CPNE9: variants seen among roughly 807,000 people sequenced by gnomAD.
The protein encoded by CPNE9 is copine-9.
A neutral mutation model predicts 83.0 loss-of-function variants in CPNE9; 59 were observed. That is an observed-to-expected ratio of 0.71 (90% CI 0.58 to 0.88). The LOEUF is 0.88. Among genes scored for constraint, CPNE9 ranks in the 40% least tolerant of loss-of-function variants. The pLI is 0.00. For synonymous variants in CPNE9, 256 were observed against 273.4 expected (o/e 0.94, Z 0.63); for missense variants, 619 against 720.8 (o/e 0.86, Z 1.62).
rs753325896 is a variant in CPNE9, at chr3:9,715,279, C to T, written c.693-10C>T. On this transcript the variant is annotated splice_polypyrimidine_tract_variant and intron_variant, in intron 11 of 20. Coordinates refer to ENST00000383832, the MANE Select transcript of CPNE9 (RefSeq NM_153635.3). Reference sequence around the variant, plus strand: ...GCACCTGCTGCTTAGCCACGCCCACCTCATTGCAGCCACGATTTCATTGGT... The same window carrying T: ...GCACCTGCTGCTTAGCCACGCCCACTTCATTGCAGCCACGATTTCATTGGT... The T allele has an allele frequency of 4.3e-6, 7 of 1,613,972 alleles. No homozygotes were observed. The highest frequency in any genetic ancestry group is 4.5e-5 in the East Asian group (2 of 44,902).
Position 9,706,773 on chromosome 3 carries a change from T to C in CPNE9, c.377+710T>C, listed in dbSNP as rs914838051. On this transcript the variant is annotated intron_variant, in intron 7 of 20. Coordinates refer to ENST00000383832, the MANE Select transcript of CPNE9 (RefSeq NM_153635.3). ...AGCAGGCCTCACGGACAGGTAACTTTGGAGCAACAACCTGAGGGAGGTAAG... is the reference window on the plus strand; with the variant it reads ...AGCAGGCCTCACGGACAGGTAACTTCGGAGCAACAACCTGAGGGAGGTAAG... Among the ~76,000 whole-genome samples the C allele has an allele frequency of 3.3e-5, 5 of 152,266 alleles. No individual in the cohort carries two copies. In the South Asian group the frequency reaches 6.2e-4, roughly 19 times the overall value.
At position 9,718,507 on chromosome 3, in the gene CPNE9, C is replaced by T. The variant is rs766942159; in HGVS notation, c.1146C>T (p.Gly382=). Residue 382 remains glycine, a synonymous_variant, in exon 17 of 21, where the codon GGC becomes GGT. Transcript: ENST00000383832. ...ATGATGAGGACCCCAACTGTGCGGG[C>T]ATCGAGGGTGTGCTGGAGAGCTATT... ...NNNDEDPNCA[G]IEGVLESYFQ... is the part of the protein sequence containing the mutation. 6.2e-7 allele frequency: 1 copy of T among 1,613,428 alleles called. No homozygotes were observed. Among genetic ancestry groups the T allele is most frequent in the African/African-American group, 1.3e-5 (1 of 74,888 alleles).
At chr3:9,715,044 AG>A in intron 11 of CPNE9, 89 bp downstream of exon 11, 2 of 1,234,828 alleles carry the variant, frequency 1.6e-6, no homozygotes, top group Non-Finnish European at 2.3e-6. Context: ...ACCCCAAAGT[AG>A]CTTTAGGAGC....
intron 9 of CPNE9, 35 bp from the exon 10 acceptor site, chr3:9,712,940 G>T (rs930039324): frequency 3.1e-6 from 5 of 1,595,048 alleles, no homozygotes; most frequent in Non-Finnish European, 4.3e-6. Context: ...CCGGGCACGA[G>T]ATAAATTATA....
At chr3:9,726,515 GA>G (rs910166571) in intron 18 of CPNE9, 149 bp from the exon 19 acceptor site, 6 of 641,108 alleles carry the variant, frequency 9.4e-6, no homozygotes, top group Non-Finnish European at 1.1e-5. Flanking sequence ...AAACATCCTT[GA>G]AAAAGTAGTC....
intron 17 of CPNE9, among the ~76,000 whole-genome samples, chr3:9,725,676 G>A (rs369916373): frequency 1.1e-4 from 9 of 79,726 alleles, no homozygotes; most frequent in African/African-American, 4.4e-4. Flanking sequence ...ATATATATGT[G>A]TATATATATA....
At position 9,729,542 on chromosome 3, in the gene CPNE9, G is replaced by T. The variant is rs757081098; in HGVS notation, c.1512G>T (p.Gly504=). 8.7e-6 allele frequency: 14 copies of T among 1,613,894 alleles called. No individual in the cohort carries two copies. Among genetic ancestry groups the T allele is most frequent in the African/African-American group, 1.3e-5 (1 of 74,888 alleles). ...TCCGAGACTATGTTGACCGGTCGGG[G>T]AACCAGGTGTTGAGCATGGCCCGAC... ...VPFRDYVDRS[G]NQVLSMARLA... Residue 504 remains glycine (G), a synonymous_variant, in exon 21 of 21, where the codon GGG becomes GGT. Coordinates refer to ENST00000383832, the MANE Select transcript of CPNE9 (RefSeq NM_153635.3).
rs1575116888 is a variant in CPNE9, at chr3:9,708,035, C to T, written c.377+1972C>T. ...CTCACTGCAGCCTCCAGTTCCTGGG[C>T]TCAAGGAATACTCCCACTTAAACCT... On this transcript the variant is annotated intron_variant, in intron 7 of 20. Coordinates refer to ENST00000383832, the MANE Select transcript of CPNE9 (RefSeq NM_153635.3). 2.6e-5 allele frequency among the ~76,000 whole-genome samples: 4 copies of T among 152,272 alleles called. No homozygotes were observed. The South Asian group carries it at 8.3e-4, about 32-fold the overall frequency.
chr3:9,720,728 A>G (rs1187489504), intron 17 of CPNE9, among the ~76,000 whole-genome samples: 1 of 152,096 alleles, frequency 6.6e-6, no homozygotes, highest in Non-Finnish European at 1.5e-5. Context: ...TTTTGTTGTT[A>G]TTAAGCTGAC....
At chr3:9,705,874 C>A in intron 6 of CPNE9, 113 bp from the exon 7 acceptor site, 1 of 1,370,996 alleles carries the variant, frequency 7.3e-7, no homozygotes, top group Non-Finnish European at 1.0e-6. Flanking sequence ...GTGGCTCTTG[C>A]ACCACTCATT....
intron 20 of CPNE9, 65 bp downstream of exon 20, chr3:9,727,251 C>A: frequency 1.9e-6 from 3 of 1,550,388 alleles, no homozygotes; most frequent in Non-Finnish European, 2.7e-6. Flanking sequence ...AAGTTGGGAG[C>A]CACTTTCACT....
intron 17 of CPNE9, among the ~76,000 whole-genome samples, chr3:9,722,166 C>T (rs997554163): frequency 6.6e-6 from 1 of 151,740 alleles, no homozygotes. Context: ...ATCCACCCCC[C>T]CCCGCCACCC....
chr3:9,721,291 G>A (rs1292811518), intron 17 of CPNE9, among the ~76,000 whole-genome samples: 1 of 152,196 alleles, frequency 6.6e-6, no homozygotes, highest in Non-Finnish European at 1.5e-5. Flanking sequence ...CGTCCCTCTG[G>A]GGGAATCTGG....
intron 7 of CPNE9, among the ~76,000 whole-genome samples, chr3:9,706,812 GAGGAAGAATGTTCC>G (rs552749214): frequency 1.6e-4 from 25 of 152,334 alleles, no homozygotes; most frequent in Admixed American, 8.5e-4. Flanking sequence ...CAGACATGTG[GAGGAAGAATGTTCC>G]AGGCAGAGGA....
Position 9,703,974 on chromosome 3 carries a change from C to A in CPNE9, c.-23C>A. On this transcript the variant is annotated 5_prime_UTR_variant, in exon 1 of 21. Transcript: ENST00000383832. ...GCAGCCCTGGTCTCGCAGCCTCCTG[C>A]GGCTCTGGTCGCCCGACCAGCCATG... 6.3e-7 allele frequency: 1 copy of A among 1,586,750 alleles called. No homozygotes were observed. Among genetic ancestry groups the A allele is most frequent in the Non-Finnish European group, 8.5e-7 (1 of 1,170,168 alleles).
At chr3:9,711,523 G>A (rs889479118) in intron 7 of CPNE9, among the ~76,000 whole-genome samples, 4 of 152,104 alleles carry the variant, frequency 2.6e-5, no homozygotes, top group South Asian at 4.1e-4. Context: ...AGCCGTAGGC[G>A]AATAGAACCT....
chr3:9,729,656 C>T lies in CPNE9; in HGVS notation c.1626C>T (p.Ala542=), dbSNP rs1365889402. ...TCCAGCCTCGGCCCCCACCCCCTGC[C>T]AACCCCAGCCCGATCCCAGCTCCAG... The part of the protein sequence containing the change: ...RDIQPRPPPP[A]NPSPIPAPEQ... Residue 542 remains alanine, a synonymous_variant, in exon 21 of 21, where the codon GCC becomes GCT. Transcript: ENST00000383832. 4 of 1,613,946 alleles carry T rather than the reference C, an allele frequency of 2.5e-6. No individual in the cohort carries two copies. The highest frequency in any genetic ancestry group is 2.5e-6 in the Non-Finnish European group (3 of 1,179,942).
At chr3:9,714,074 A>G (rs1281538077) in intron 10 of CPNE9, among the ~76,000 whole-genome samples, 1 of 151,772 alleles carries the variant, frequency 6.6e-6, no homozygotes, top group Non-Finnish European at 1.5e-5. Context: ...CTCCGTCTCA[A>G]TAAATAAATA....
At position 9,714,983 on chromosome 3, in the gene CPNE9, C is replaced by T. The variant is rs772155972; in HGVS notation, c.692+28C>T. 5 of 1,605,316 alleles carry T rather than the reference C, an allele frequency of 3.1e-6. No homozygotes were observed. The South Asian group carries it at 3.3e-5, about 11-fold the overall frequency. On this transcript the variant is annotated intron_variant, in intron 11 of 20. Transcript: ENST00000383832. The stretch of plus-strand genomic sequence containing the variant: ...AGAACTGCCCCACATGGTCCCTTCT[C>T]CTGTACTTGACCCAAGCAGTTCTCA...
Sources: gnomAD v4.1 joint callset for allele counts (sites outside exome capture counted in the v4.1 genomes callset) on GRCh38, gnomAD v4.1.1 for gene constraint, MANE v1.5 for transcripts, NCBI Gene and HGNC (gene_info 2026-07-23, HGNC 2026-07-21) for gene names.